The following NDST4 variants were observed in gnomAD, a reference collection of about 807,000 sequenced individuals.
NDST4 encodes N-deacetylase and N-sulfotransferase 4.
In NDST4, 63 loss-of-function variants were observed where a neutral mutation model predicts 100.8. That is an observed-to-expected ratio of 0.62 (90% CI 0.51 to 0.77). The LOEUF (loss-of-function observed/expected upper bound fraction) is 0.77, where lower values mean the gene tolerates loss of function less well. Ranked by LOEUF, NDST4 falls within the 30% of genes least tolerant of loss-of-function variation. The pLI is 0.00. For missense variants in NDST4, 943 were observed against 1,018.4 expected, an observed-to-expected ratio of 0.93 and a Z score of 1.01; for synonymous variants, 377 against 361.8, an observed-to-expected ratio of 1.04 and a Z score of -0.48.
chr4:114,830,729 C>A (rs1282291642), intron 12 of NDST4, among the ~76,000 whole-genome samples: 2 of 152,152 alleles, frequency 1.3e-5, no homozygotes, highest in African/African-American at 4.8e-5. Context: ...CATAAAACAT[C>A]GAAAAGGTTT....
intron 7 of NDST4, among the ~76,000 whole-genome samples, chr4:114,861,870 G>A (rs1455375736): frequency 3.3e-5 from 5 of 152,124 alleles, no homozygotes; most frequent in Non-Finnish European, 5.9e-5. Flanking sequence ...CCCTGATGAT[G>A]ATAGTCAAAG....
At chr4:114,892,785 A>C (rs1020782819) in intron 6 of NDST4, among the ~76,000 whole-genome samples, 2 of 150,230 alleles carry the variant, frequency 1.3e-5, no homozygotes, top group South Asian at 2.1e-4. Flanking sequence ...TTATTTATTT[A>C]TTTCTTCTTC....
At chr4:114,917,079 T>A (rs1725189607) in intron 6 of NDST4, among the ~76,000 whole-genome samples, 1 of 152,132 alleles carries the variant, frequency 6.6e-6, no homozygotes, top group South Asian at 2.1e-4. Context: ...GTCCCTCACA[T>A]AAAATCATTT....
chr4:114,956,879 A>C (rs1025803206), intron 4 of NDST4, among the ~76,000 whole-genome samples: 1 of 152,252 alleles, frequency 6.6e-6, no homozygotes, highest in Non-Finnish European at 1.5e-5. Context: ...TAAAATGTCC[A>C]TTAAAAAAAT....
At chr4:115,027,607 C>A (rs1728015221) in intron 2 of NDST4, among the ~76,000 whole-genome samples, 1 of 152,164 alleles carries the variant, frequency 6.6e-6, no homozygotes, top group African/African-American at 2.4e-5. Context: ...AACACAGATA[C>A]AAATTTTGTT....
chr4:115,050,933 A>T (rs993654476), intron 2 of NDST4, among the ~76,000 whole-genome samples: 1 of 152,100 alleles, frequency 6.6e-6, no homozygotes, highest in African/African-American at 2.4e-5. Flanking sequence ...ATTCCAGGAG[A>T]AAATCCCCGG....
At chr4:114,957,174 T>C (rs947270293) in intron 4 of NDST4, among the ~76,000 whole-genome samples, 1 of 152,222 alleles carries the variant, frequency 6.6e-6, no homozygotes, top group African/African-American at 2.4e-5. Flanking sequence ...ACAGGTCTTG[T>C]ATTTGTCCAT....
At chr4:114,883,575 T>C (rs1013173856) in intron 6 of NDST4, among the ~76,000 whole-genome samples, 2 of 152,076 alleles carry the variant, frequency 1.3e-5, no homozygotes, top group African/African-American at 4.8e-5. Flanking sequence ...CAGTTACAAC[T>C]GGTATAAATA....
rs188610500 is a variant in NDST4, at chr4:114,982,849, T to C, written c.979-5575A>G. Among the ~76,000 whole-genome samples the C allele has an allele frequency of 7.4e-3, 1,127 of 152,210 alleles. 15 individuals are homozygous for C. Among genetic ancestry groups the C allele is most frequent in the Middle Eastern group, 0.017 (5 of 294 alleles). On this transcript the variant is annotated intron_variant, in intron 2 of 13. Coordinates refer to ENST00000264363, the MANE Select transcript of NDST4 (RefSeq NM_022569.3). The stretch of plus-strand genomic sequence containing the variant: ...GAGAAAAATGGTTTCTTGGGTCAAA[T>C]TCATGGCCCAGCTTCTCTGTGCAGC...
chr4:115,069,562 C>A (rs1049515876), intron 2 of NDST4, among the ~76,000 whole-genome samples: 7 of 152,162 alleles, frequency 4.6e-5, no homozygotes, highest in Admixed American at 4.6e-4. Context: ...AACTGAACAT[C>A]ACTGATCATT....
intron 2 of NDST4, among the ~76,000 whole-genome samples, chr4:115,054,056 T>C (rs1291417480): frequency 6.6e-6 from 1 of 152,106 alleles, no homozygotes; most frequent in African/African-American, 2.4e-5. Context: ...GTCACTGTGA[T>C]GTCCTTCGAA....
Position 115,076,296 on chromosome 4 carries a change from C to T in NDST4, c.741G>A (p.Leu247=). 2 of 1,613,942 alleles carry T rather than the reference C, an allele frequency of 1.2e-6. No homozygotes were observed. The highest frequency in any genetic ancestry group is 1.3e-5 in the African/African-American group (1 of 75,024). The part of the protein sequence containing the change: ...ELQTEKSLSS[L]SSKTLFATVI... ...CCGTTGCAAAGAGTGTTTTGCTAGA[C>T]AAGGATGACAGGGATTTTTCTGTCT... Residue 247 remains leucine (L), a synonymous_variant, in exon 2 of 14, where the codon TTG becomes TTA. Coordinates refer to ENST00000264363, the MANE Select transcript of NDST4 (RefSeq NM_022569.3).
At chr4:115,003,564 C>T (rs951189836) in intron 2 of NDST4, among the ~76,000 whole-genome samples, 1 of 152,024 alleles carries the variant, frequency 6.6e-6, no homozygotes, top group African/African-American at 2.4e-5. Context: ...AGACTGTATT[C>T]TTTTTTAAAA....
chr4:115,018,163 C>T (rs1171717409), intron 2 of NDST4, among the ~76,000 whole-genome samples: 8 of 151,716 alleles, frequency 5.3e-5, no homozygotes, highest in Admixed American at 5.3e-4. Flanking sequence ...TGAAATGAAG[C>T]TACTAATAAT....
chr4:114,903,990 AC>A (rs1387329115), intron 6 of NDST4, among the ~76,000 whole-genome samples: 1 of 151,978 alleles, frequency 6.6e-6, no homozygotes, highest in Non-Finnish European at 1.5e-5. Flanking sequence ...GTCATTATAT[AC>A]CTATTATATT....
chr4:115,058,309 C>A (rs1380061002), intron 2 of NDST4, among the ~76,000 whole-genome samples: 2 of 152,094 alleles, frequency 1.3e-5, no homozygotes, highest in African/African-American at 2.4e-5. Context: ...AAGTGTATAT[C>A]CTTGTACTTG....
At chr4:114,975,492 A>AGG (rs1173529334) in intron 3 of NDST4, among the ~76,000 whole-genome samples, 1 of 152,074 alleles carries the variant, frequency 6.6e-6, no homozygotes, top group Non-Finnish European at 1.5e-5. Context: ...TTCTTCAATA[A>AGG]CTATTTCTGT....
intron 2 of NDST4, among the ~76,000 whole-genome samples, chr4:114,991,114 T>C (rs1271141994): frequency 6.6e-6 from 1 of 152,052 alleles, no homozygotes; most frequent in Non-Finnish European, 1.5e-5. Context: ...CTTTCGGATT[T>C]CTAAGCTAAG....
At chr4:114,842,266 A>G (rs1185407212) in intron 10 of NDST4, among the ~76,000 whole-genome samples, 2 of 151,992 alleles carry the variant, frequency 1.3e-5, no homozygotes, top group Non-Finnish European at 2.9e-5. Flanking sequence ...TCTTCAAACT[A>G]TCACCCTCTT....
Sources: allele counts gnomAD v4.1 joint callset (sites outside exome capture counted in the v4.1 genomes callset), GRCh38; gene constraint gnomAD v4.1.1; transcripts MANE v1.5; gene names NCBI Gene and HGNC (gene_info 2026-07-23, HGNC 2026-07-21).